The following CENPM variants were observed in gnomAD, a reference collection of about 807,000 sequenced individuals.
The protein encoded by CENPM is interphase centromere complex protein 39.
CENPM carries 14 observed loss-of-function variants against 19.6 expected under a neutral mutation model. The observed-to-expected ratio is 0.71, with a 90% CI of 0.47 to 1.11. The LOEUF is 1.11. CENPM is among the 50% of genes most tolerant of loss of function. The probability of loss-of-function intolerance (pLI) is 0.00; values close to 1 mark genes in which losing one functional copy is unlikely to be tolerated. For missense variants in CENPM, 239 were observed against 228.4 expected (o/e 1.05, Z -0.30); for synonymous variants, 114 against 101.5 (o/e 1.12, Z -0.74).
At chr22:41,946,759 G>T in intron 1 of CENPM, 1 of 598,664 alleles carries the variant, frequency 1.7e-6, no homozygotes, top group South Asian at 2.0e-5. Context: ...ACCCCCAGAC[G>T]CGGGAAAACC....
intron 2 of CENPM, 200 bp downstream of exon 2, chr22:41,946,217 G>A: frequency 1.5e-6 from 1 of 649,456 alleles, no homozygotes; most frequent in East Asian, 2.7e-5. Flanking sequence ...CCCTCTGCCA[G>A]AAACGGGCTC....
Position 41,947,150 on chromosome 22 carries a change from A to G in CENPM, c.-74T>C. 5.4e-6 allele frequency: 8 copies of G among 1,471,140 alleles called. No homozygotes were observed. Among genetic ancestry groups the G allele is most frequent in the Non-Finnish European group, 6.6e-6 (7 of 1,062,388 alleles). The allele number at this position is 1,471,140 out of a possible 1,614,324, so 91.1% of individuals were successfully genotyped here. On this transcript the variant is annotated 5_prime_UTR_variant, in exon 1 of 6. Transcript: ENST00000215980. Reference sequence around the variant, plus strand: ...AAACCGCCCTGAGTCCAGCCCCTAGAGCGCGGCCTGGGGGCACGTGCCTCC... The same window carrying G: ...AAACCGCCCTGAGTCCAGCCCCTAGGGCGCGGCCTGGGGGCACGTGCCTCC...
chr22:41,945,447 ATTTTTTTTTTT>A (rs377012454), intron 3 of CENPM, 143 bp from the exon 4 acceptor site: 9 of 1,099,750 alleles, frequency 8.2e-6, no homozygotes, highest in South Asian at 1.8e-5. Flanking sequence ...TTGTCCTTTA[ATTTTTTTTTTT>A]TTTTTTTTTT....
At chr22:41,940,046 G>C in intron 5 of CENPM, 1 of 686,682 alleles carries the variant, frequency 1.5e-6, no homozygotes, top group South Asian at 1.6e-5. Flanking sequence ...CTCCCCACCA[G>C]GCTCCACTGA....
At chr22:41,932,444 ACAC>A in the CENPM span, among the ~76,000 whole-genome samples, 2 of 152,146 alleles carry the variant, frequency 1.3e-5, no homozygotes, top group Non-Finnish European at 2.9e-5. This position sits in a 1 kb window ranked among gnomAD's most constrained non-coding sequence, Gnocchi z 4.3. Flanking sequence ...CCCCGAACCC[ACAC>A]CAGGGGAGGG....
intron 4 of CENPM, 117 bp from the exon 5 acceptor site, chr22:41,943,818 C>T (rs2077766381): frequency 1.4e-5 from 12 of 829,236 alleles, no homozygotes; most frequent in Non-Finnish European, 2.2e-5. Flanking sequence ...TTTCTAGTCG[C>T]GAGGGTGACA....
the CENPM span, among the ~76,000 whole-genome samples, chr22:41,931,689 G>A: frequency 6.6e-6 from 1 of 152,210 alleles, no homozygotes; most frequent in African/African-American, 2.4e-5. Context: ...GGAGGGGCCT[G>A]CAGGGGGTCT....
chr22:41,942,460 A>T (rs1340879981), intron 5 of CENPM, among the ~76,000 whole-genome samples: 1 of 152,148 alleles, frequency 6.6e-6, no homozygotes, highest in Admixed American at 6.5e-5. Flanking sequence ...TAAAAAGTAA[A>T]TAAACAGTGG....
chr22:41,939,290 G>A (rs1424218720), intron 5 of CENPM, 94 bp from the exon 6 acceptor site: 14 of 1,448,736 alleles, frequency 9.7e-6, no homozygotes, highest in Non-Finnish European at 1.3e-5. Context: ...AGGGCTGGGG[G>A]CGGATACTTG....
chr22:41,944,654 C>T (rs967900018), intron 4 of CENPM: 54 of 984,468 alleles, frequency 5.5e-5, no homozygotes, highest in Non-Finnish European at 6.4e-5. Context: ...TTATTATTTT[C>T]ACTGTTAATA....
chr22:41,933,369 G>A, the CENPM span, among the ~76,000 whole-genome samples: 1 of 152,016 alleles, frequency 6.6e-6, no homozygotes, highest in African/African-American at 2.4e-5. Context: ...GGGTGGGGGT[G>A]GGGGTGAGGC....
the CENPM span, among the ~76,000 whole-genome samples, chr22:41,929,769 C>T: frequency 6.7e-6 from 1 of 150,228 alleles, no homozygotes; most frequent in Non-Finnish European, 1.5e-5. Context: ...AGGTGCCTGG[C>T]CTCACATGAA....
chr22:41,934,986 G>T (rs142792971), downstream of CENPM, among the ~76,000 whole-genome samples: 1 of 152,224 alleles, frequency 6.6e-6, no homozygotes, highest in South Asian at 2.1e-4. Flanking sequence ...CCCATCCCCC[G>T]CCTTCCAGGG....
chr22:41,944,304 C>T (rs2077773092), intron 4 of CENPM: 2 of 189,864 alleles, frequency 1.1e-5, no homozygotes, highest in Non-Finnish European at 1.9e-5. Context: ...GGCATGATGG[C>T]GGGTGCCTGT....
chr22:41,945,936 C>T lies in CENPM; in HGVS notation c.207G>A (p.Val69=). 1 of 1,613,910 alleles carries T rather than the reference C, an allele frequency of 6.2e-7. No homozygotes were observed. The highest frequency in any genetic ancestry group is 8.5e-7 in the Non-Finnish European group (1 of 1,179,944). The change falls in exon 3 of 6, where the codon GTG becomes GTA. Residue 69 remains valine, a synonymous_variant. Coordinates refer to ENST00000215980, the MANE Select transcript of CENPM (RefSeq NM_024053.5). ...ACCTGTATTTGCTGTGAAGATTAAC[C>T]ACAAACACGATCAGGTCAATTCGGG... The part of the protein sequence containing the change: ...NRPRIDLIVF[V]VNLHSKYSLQ...
chr22:41,933,077 G>C, the CENPM span, among the ~76,000 whole-genome samples: 1 of 152,160 alleles, frequency 6.6e-6, no homozygotes, highest in South Asian at 2.1e-4. Context: ...AGAAGGCCTG[G>C]TGGATGGTGA....
At chr22:41,930,099 A>C in the CENPM span, among the ~76,000 whole-genome samples, 12 of 151,238 alleles carry the variant, frequency 7.9e-5, no homozygotes, top group Non-Finnish European at 1.3e-4. Flanking sequence ...GCCCGCCACC[A>C]TGCCCGGCAA....
rs1473076233 is a variant in CENPM, at chr22:41,943,763, G to C, written c.311-62C>G. 4 of 1,475,904 alleles carry C rather than the reference G, an allele frequency of 2.7e-6. No homozygotes were observed. The East Asian group carries it at 7.1e-5, about 26-fold the overall frequency. 91.4% of individuals were successfully genotyped at this position (1,475,904 alleles called of 1,614,324 possible). A position where few individuals can be genotyped will look rare whatever the true frequency, so the allele number is the denominator to read the frequency against. ...TACCTTCCTGGCTGGAATTCAGGAAGTGCTGGGCAGAGTCACTCACTTCCC... is the reference window on the plus strand; with the variant it reads ...TACCTTCCTGGCTGGAATTCAGGAACTGCTGGGCAGAGTCACTCACTTCCC... On this transcript the variant is annotated intron_variant, in intron 4 of 5. Transcript: ENST00000215980.
At chr22:41,938,363 C>CT (rs564451166), downstream of CENPM, among the ~76,000 whole-genome samples, 25,331 of 94,334 alleles carry the variant, frequency 0.27, 7,458 homozygotes, top group African/African-American at 0.72. Flanking sequence ...GCTGGTCTCG[C>CT]TTTTTTTTTT....
Sources: allele counts gnomAD v4.1 joint callset (sites outside exome capture counted in the v4.1 genomes callset), GRCh38; gene constraint gnomAD v4.1.1; non-coding constraint Gnocchi (gnomAD v3.1); transcripts MANE v1.5; gene names NCBI Gene and HGNC (gene_info 2026-07-23, HGNC 2026-07-21).